Variants in SLC8A1 observed in about 807,000 individuals in gnomAD.
SLC8A1 encodes the protein solute carrier family 8 member A1, also known as sodium/calcium exchanger 1.
SLC8A1 carries 18 observed loss-of-function variants against 68.3 expected under a neutral mutation model. That is an observed-to-expected ratio of 0.26 (90% CI 0.18 to 0.39). The LOEUF is 0.39. Among genes scored for constraint, SLC8A1 ranks in the 10% least tolerant of loss-of-function variants. SLC8A1 has a pLI of 1.00. For missense variants in SLC8A1, 985 were observed against 1,156.7 expected, an observed-to-expected ratio of 0.85 and a Z score of 2.15; for synonymous variants, 475 against 415.5, an observed-to-expected ratio of 1.14 and a Z score of -1.74.
intron 2 of SLC8A1, among the ~76,000 whole-genome samples, chr2:40,182,472 G>T (rs1053535265): frequency 6.6e-6 from 1 of 151,838 alleles, no homozygotes; most frequent in African/African-American, 2.4e-5. Flanking sequence ...AGTACATTTT[G>T]GTTCTATTTC....
At chr2:40,302,893 A>G (rs933683567) in intron 2 of SLC8A1, among the ~76,000 whole-genome samples, 8 of 152,130 alleles carry the variant, frequency 5.3e-5, no homozygotes, top group African/African-American at 1.9e-4. Flanking sequence ...ACAATGTGAT[A>G]CCACCTTACT....
intron 2 of SLC8A1, among the ~76,000 whole-genome samples, chr2:40,295,385 G>A (rs1396913505): frequency 1.3e-5 from 2 of 152,058 alleles, no homozygotes; most frequent in Non-Finnish European, 1.5e-5. Flanking sequence ...TTATAGGAGT[G>A]AGCCACCATG....
intron 2 of SLC8A1, among the ~76,000 whole-genome samples, chr2:40,364,638 G>A (rs1012055161): frequency 2.6e-5 from 4 of 151,740 alleles, no homozygotes; most frequent in Non-Finnish European, 5.9e-5. Context: ...GATGAGAAAC[G>A]TACCAGCTGT....
At chr2:40,488,537 CT>C in intron 1 of SLC8A1, among the ~76,000 whole-genome samples, 1 of 152,038 alleles carries the variant, frequency 6.6e-6, no homozygotes. Context: ...TCCCTTTTAA[CT>C]GTTAAAAGGG....
At chr2:40,237,212 T>C (rs1208338766) in intron 2 of SLC8A1, among the ~76,000 whole-genome samples, 1 of 152,218 alleles carries the variant, frequency 6.6e-6, no homozygotes, top group Non-Finnish European at 1.5e-5. Flanking sequence ...TCCAACTTGG[T>C]TCCATTGTCC....
intron 2 of SLC8A1, among the ~76,000 whole-genome samples, chr2:40,324,574 A>C (rs572060002): frequency 1.2e-4 from 18 of 152,292 alleles, no homozygotes; most frequent in African/African-American, 3.4e-4. Flanking sequence ...TTTGTTTATT[A>C]AAAATGTAGG....
chr2:40,430,514 T>C (rs1007249658), intron 1 of SLC8A1, among the ~76,000 whole-genome samples: 1 of 152,198 alleles, frequency 6.6e-6, no homozygotes, highest in Admixed American at 6.5e-5. Context: ...AGCAATCCTT[T>C]GTAAAGTTTA....
chr2:40,324,040 T>C (rs1006863035), intron 2 of SLC8A1, among the ~76,000 whole-genome samples: 1 of 151,612 alleles, frequency 6.6e-6, no homozygotes, highest in Non-Finnish European at 1.5e-5. Flanking sequence ...GGGGGGGGGC[T>C]GTTAACAATT....
At chr2:40,349,047 T>C (rs972751172) in intron 2 of SLC8A1, among the ~76,000 whole-genome samples, 53 of 152,302 alleles carry the variant, frequency 3.5e-4, no homozygotes, top group African/African-American at 1.3e-3. Context: ...CACAAAATTG[T>C]GCACACAGCT....
Position 40,132,651 on chromosome 2 carries a change from C to G in SLC8A1, c.2437+6750G>C, listed in dbSNP as rs551593854. On this transcript the variant is annotated intron_variant, in intron 7 of 7. Coordinates refer to ENST00000406785, the Ensembl canonical transcript of SLC8A1. Reference sequence around the variant, plus strand: ...TTAAAAACTGAAAAACATAAGCTATCAATAGCTAACTGTTTTTCTCAGTTA... The same window carrying G: ...TTAAAAACTGAAAAACATAAGCTATGAATAGCTAACTGTTTTTCTCAGTTA... 2.6e-5 allele frequency among the ~76,000 whole-genome samples: 4 copies of G among 152,182 alleles called. No homozygotes were observed. In the South Asian group the frequency reaches 8.3e-4, roughly 32 times the overall value.
At chr2:40,259,346 T>C (rs1405752532) in intron 2 of SLC8A1, among the ~76,000 whole-genome samples, 3 of 152,200 alleles carry the variant, frequency 2.0e-5, no homozygotes, top group African/African-American at 4.8e-5. Context: ...CTGTCCAACA[T>C]AGAGATCCAC....
intron 2 of SLC8A1, among the ~76,000 whole-genome samples, chr2:40,320,593 T>C (rs559138166): frequency 6.6e-6 from 1 of 152,308 alleles, no homozygotes; most frequent in African/African-American, 2.4e-5. Context: ...ATATTAGGTA[T>C]CTTAAAACTC....
intron 2 of SLC8A1, among the ~76,000 whole-genome samples, chr2:40,385,877 T>C (rs1178479036): frequency 2.0e-5 from 3 of 151,284 alleles, no homozygotes; most frequent in African/African-American, 7.4e-5. Flanking sequence ...GTACACAAAA[T>C]GATAATCCAC....
chr2:40,305,881 G>C (rs1407179002), intron 2 of SLC8A1, among the ~76,000 whole-genome samples: 1 of 152,088 alleles, frequency 6.6e-6, no homozygotes, highest in Non-Finnish European at 1.5e-5. Flanking sequence ...CTGCTTTTTT[G>C]ACATTATATG....
intron 2 of SLC8A1, among the ~76,000 whole-genome samples, chr2:40,338,052 A>G (rs1666540624): frequency 6.6e-6 from 1 of 152,010 alleles, no homozygotes; most frequent in South Asian, 2.1e-4. Context: ...TGAGGGTCTG[A>G]AAGTGCTCTG....
chr2:40,277,168 G>A (rs2066813381), intron 2 of SLC8A1, among the ~76,000 whole-genome samples: 1 of 151,796 alleles, frequency 6.6e-6, no homozygotes, highest in Admixed American at 6.6e-5. Context: ...TACATGGTAT[G>A]GTTATAACAC....
chr2:40,115,524 A>G, exon 8 of SLC8A1: 1 of 1,614,218 alleles, frequency 6.2e-7, no homozygotes, highest in Non-Finnish European at 8.5e-7. Flanking sequence ...GGACCAGGCC[A>G]CACCGATTCC....
intron 2 of SLC8A1, among the ~76,000 whole-genome samples, chr2:40,252,880 ATTTTGAGCCAAATTT>A (rs2063044306): frequency 9.8e-5 from 13 of 132,270 alleles, no homozygotes; most frequent in Middle Eastern, 5.7e-3. Context: ...AATAATATAT[ATTTTGAGCCAAATTT>A]TATATGTATG....
chr2:40,340,867 G>C (rs890293668), intron 2 of SLC8A1, among the ~76,000 whole-genome samples: 3 of 152,106 alleles, frequency 2.0e-5, no homozygotes, highest in African/African-American at 7.2e-5. Context: ...GAGATAGCAC[G>C]CACCCCTCTC....
Sources: gnomAD v4.1 joint callset for allele counts (sites outside exome capture counted in the v4.1 genomes callset) on GRCh38, gnomAD v4.1.1 for gene constraint, MANE v1.5 for transcripts, NCBI Gene and HGNC (gene_info 2026-07-23, HGNC 2026-07-21) for gene names.